The following ZNF257 variants were observed in gnomAD, a reference collection of about 807,000 sequenced individuals.
The protein encoded by ZNF257 is bone marrow zinc finger 4.
Under a neutral mutation model 11.9 loss-of-function variants are expected in ZNF257, and 12 were observed. The observed-to-expected ratio is 1.01, with a 90% CI of 0.65 to 1.63. ZNF257 has a LOEUF of 1.63. ZNF257 is among the 40% of genes most tolerant of loss of function. ZNF257 has a pLI of 0.00. For synonymous variants in ZNF257, 183 were observed against 222.7 expected, an observed-to-expected ratio of 0.82 and a Z score of 1.59; for missense variants, 580 against 665.5, an observed-to-expected ratio of 0.87 and a Z score of 1.41.
chr19:22,077,328 G>T (rs1402906933), intron 3 of ZNF257, among the ~76,000 whole-genome samples: 1 of 151,866 alleles, frequency 6.6e-6, no homozygotes, highest in Non-Finnish European at 1.5e-5. Context: ...CAAAAAAATG[G>T]TATACATTTC....
intron 3 of ZNF257, among the ~76,000 whole-genome samples, chr19:22,076,190 A>G (rs932230642): frequency 1.4e-4 from 21 of 151,506 alleles, no homozygotes; most frequent in Non-Finnish European, 2.8e-4. Flanking sequence ...TCTCTAGCCT[A>G]TATCTAAACA....
chr19:22,088,382 A>C lies in ZNF257; in HGVS notation c.632A>C (p.Asn211Thr). The C allele has an allele frequency of 1.2e-6, 2 of 1,612,392 alleles. No individual in the cohort carries two copies. Among genetic ancestry groups the C allele is most frequent in the South Asian group, 2.2e-5 (2 of 91,010 alleles). Residue 211 changes from asparagine to threonine, a missense_variant, in exon 4 of 4, where the codon AAC becomes ACC. Physicochemically the swap from Asn to Thr is moderately conservative, Grantham distance 65. Transcript: ENST00000594947. ...HKCEECGKAFNQSSALTRHKM... is the reference protein window; with the variant it reads ...HKCEECGKAFTQSSALTRHKM... ...TGTGAAGAATGTGGCAAAGCCTTTA[A>C]CCAGTCCTCAGCTCTTACTCGACAT...
In ZNF257 at chr19:22,089,263, CATAAG is replaced by C; in HGVS notation, c.1518_1522del (p.Lys506AsnfsTer11). The C allele has an allele frequency of 6.2e-7, 1 of 1,613,876 alleles. No individual in the cohort carries two copies. Among genetic ancestry groups the C allele is most frequent in the Non-Finnish European group, 8.5e-7 (1 of 1,179,884 alleles). On this transcript the variant is annotated frameshift_variant, in exon 4 of 4. Coordinates refer to ENST00000594947, the MANE Select transcript of ZNF257 (RefSeq NM_033468.4). LOFTEE classifies it low-confidence loss of function (END_TRUNC). ...TAACCGGTCTTCACACCTTTCTCAA[CATAAG>C]ATAATTCATACTGGAGAGAAACCCT... is the stretch of plus-strand genomic sequence containing the variant.
rs1371294976 is a variant in ZNF257, at chr19:22,089,295, C to T, written c.1545C>T (p.Tyr515=). The change falls in exon 4 of 4, where the codon TAC becomes TAT. Residue 515 remains tyrosine (Y), a synonymous_variant. Transcript: ENST00000594947. ...TAATTCATACTGGAGAGAAACCCTA[C>T]AAATGTGAAGAATGTGGCAAGCCTT... ...HKIIHTGEKP[Y]KCEECGKPFN... 1 of 1,613,872 alleles carries T rather than the reference C, an allele frequency of 6.2e-7. No individual in the cohort carries two copies. Among genetic ancestry groups the T allele is most frequent in the Admixed American group, 1.7e-5 (1 of 60,010 alleles).
chr19:22,060,942 A>G (rs1334990716), intron 1 of ZNF257, among the ~76,000 whole-genome samples: 1 of 152,190 alleles, frequency 6.6e-6, no homozygotes, highest in Non-Finnish European at 1.5e-5. Context: ...GTAGGTGTGC[A>G]GAATAAATTT....
chr19:22,059,059 T>TA (rs1244671341), intron 1 of ZNF257, among the ~76,000 whole-genome samples: 10 of 152,054 alleles, frequency 6.6e-5, no homozygotes, highest in Non-Finnish European at 1.0e-4. Flanking sequence ...AGAAATAAAT[T>TA]AGAGTCACAC....
chr19:22,072,693 T>A (rs2022131222), intron 1 of ZNF257, 116 bp from the exon 2 acceptor site: 2 of 1,285,590 alleles, frequency 1.6e-6, no homozygotes, highest in Admixed American at 2.4e-5. Context: ...TTTTGGTCAC[T>A]CCAATAAGGC....
intron 1 of ZNF257, among the ~76,000 whole-genome samples, chr19:22,062,472 TTTTC>T (rs1023803973): frequency 1.6e-4 from 20 of 124,760 alleles, no homozygotes; most frequent in Non-Finnish European, 9.6e-5. Flanking sequence ...TGGCCTGAAG[TTTTC>T]TTTCTTTCTT....
At chr19:22,084,724 T>A (rs1329096698) in intron 3 of ZNF257, among the ~76,000 whole-genome samples, 1 of 144,858 alleles carries the variant, frequency 6.9e-6, no homozygotes, top group Non-Finnish European at 1.5e-5. Context: ...AAGTAATCTA[T>A]AAAATTTTAG....
chr19:22,088,190 G>A lies in ZNF257; in HGVS notation c.440G>A (p.Cys147Tyr), dbSNP rs777391394. 22 of 1,608,122 alleles carry A rather than the reference G, an allele frequency of 1.4e-5. No individual in the cohort carries two copies. Among genetic ancestry groups the A allele is most frequent in the Non-Finnish European group, 1.7e-5 (20 of 1,177,472 alleles). ...LITTQSKMYQ[C>Y]DKYVKVFYKF... ...ACTACCCAGAGCAAAATGTATCAAT[G>A]TGATAAATATGTAAAAGTCTTCTAT... Residue 147 changes from cysteine to tyrosine, a missense_variant, in exon 4 of 4, where the codon TGT (cysteine) becomes TAT (tyrosine). Transcript: ENST00000594947.
At position 22,089,290 on chromosome 19, in the gene ZNF257, C is replaced by T. The variant is rs1192335287; in HGVS notation, c.1540C>T (p.Pro514Ser). ...QHKIIHTGEKPYKCEECGKPF... is the reference protein window; with the variant it reads ...QHKIIHTGEKSYKCEECGKPF... ...TAAGATAATTCATACTGGAGAGAAA[C>T]CCTACAAATGTGAAGAATGTGGCAA... The change falls in exon 4 of 4, where the codon CCC becomes TCC. Residue 514 changes from proline (P) to serine (S), a missense_variant. Coordinates refer to ENST00000594947, the MANE Select transcript of ZNF257 (RefSeq NM_033468.4). 22 of 1,613,762 alleles carry T rather than the reference C, an allele frequency of 1.4e-5. No individual in the cohort carries two copies. The highest frequency in any genetic ancestry group is 1.8e-5 in the Non-Finnish European group (21 of 1,179,912).
chr19:22,083,744 T>G (rs952633415), intron 3 of ZNF257, among the ~76,000 whole-genome samples: 3 of 152,148 alleles, frequency 2.0e-5, no homozygotes, highest in African/African-American at 7.2e-5. Flanking sequence ...TCTTTATATA[T>G]CTCATACAAT....
intron 3 of ZNF257, chr19:22,087,562 T>G (rs1160946958): frequency 8.1e-7 from 1 of 1,230,454 alleles, no homozygotes; most frequent in East Asian, 3.2e-5. Context: ...GAAACCAGTG[T>G]CTTGAAAGAC....
At position 22,053,893 on chromosome 19, in the gene ZNF257, C is replaced by G. The variant is rs1030616672; in HGVS notation, c.3+1258C>G. Among the ~76,000 whole-genome samples the G allele has an allele frequency of 2.4e-4, 37 of 151,736 alleles. 1 individual carries two copies. Among genetic ancestry groups the G allele is most frequent in the Non-Finnish European group, 8.8e-5 (6 of 67,972 alleles). On this transcript the variant is annotated intron_variant, in intron 1 of 3. Coordinates refer to ENST00000594947, the MANE Select transcript of ZNF257 (RefSeq NM_033468.4). The stretch of plus-strand genomic sequence containing the variant: ...TGAGCCGAGATTGTGCCATTGCACT[C>G]CAGCCTGGGCAACAAGAGTGAAACT...
At chr19:22,060,180 G>T (rs547688809) in intron 1 of ZNF257, among the ~76,000 whole-genome samples, 2 of 152,218 alleles carry the variant, frequency 1.3e-5, no homozygotes, top group Non-Finnish European at 2.9e-5. Flanking sequence ...CAATTAAGAG[G>T]TTGCTAGGTC....
chr19:22,077,787 G>A (rs1396391699), intron 3 of ZNF257, among the ~76,000 whole-genome samples: 1 of 152,086 alleles, frequency 6.6e-6, no homozygotes, highest in East Asian at 1.9e-4. Flanking sequence ...ATTCATAAAT[G>A]AGATTGCTGT....
chr19:22,067,612 G>T (rs974506630), intron 1 of ZNF257, among the ~76,000 whole-genome samples: 1 of 152,000 alleles, frequency 6.6e-6, no homozygotes, highest in Non-Finnish European at 1.5e-5. Context: ...TGAGGCAGGT[G>T]GATCACGAGG....
At chr19:22,061,867 CTT>C (rs79974443) in intron 1 of ZNF257, among the ~76,000 whole-genome samples, 4 of 145,826 alleles carry the variant, frequency 2.7e-5, no homozygotes, top group African/African-American at 7.5e-5. Context: ...TTGTTGAAAG[CTT>C]TTTTTTTTTG....
intron 1 of ZNF257, among the ~76,000 whole-genome samples, chr19:22,054,189 C>T (rs1180930047): frequency 6.6e-6 from 1 of 151,722 alleles, no homozygotes; most frequent in Non-Finnish European, 1.5e-5. Context: ...TCTCCTGTCT[C>T]ATCCTCCGGA....
Sources: gnomAD v4.1 joint callset for allele counts (sites outside exome capture counted in the v4.1 genomes callset) on GRCh38, gnomAD v4.1.1 for gene constraint, MANE v1.5 for transcripts, NCBI Gene and HGNC (gene_info 2026-07-23, HGNC 2026-07-21) for gene names.